RALGPS2: variants seen among roughly 807,000 people sequenced by gnomAD.
The protein encoded by RALGPS2 is ras-specific guanine nucleotide-releasing factor RalGPS2.
In RALGPS2, 43 loss-of-function variants were observed where a neutral mutation model predicts 86.8. The observed-to-expected ratio is 0.50, with a 90% confidence interval of 0.39 to 0.64. RALGPS2 has a LOEUF of 0.64. Ranked by LOEUF, RALGPS2 falls within the 30% of genes least tolerant of loss-of-function variation. The pLI is 0.00. For synonymous variants in RALGPS2, 243 were observed against 231.3 expected (o/e 1.05, Z -0.46); for missense variants, 536 against 694.6 (o/e 0.77, Z 2.57).
At chr1:178,730,390 G>A (rs963226433) in intron 1 of RALGPS2, among the ~76,000 whole-genome samples, 2 of 152,102 alleles carry the variant, frequency 1.3e-5, no homozygotes, top group African/African-American at 4.8e-5. Context: ...GATTAAATCA[G>A]CATTCGTTGT....
At chr1:178,890,109 A>G (rs1335735782) in intron 14 of RALGPS2, among the ~76,000 whole-genome samples, 1 of 151,974 alleles carries the variant, frequency 6.6e-6, no homozygotes, top group Non-Finnish European at 1.5e-5. Flanking sequence ...TAAATTTTAA[A>G]TTATACAAGT....
At chr1:178,853,478 A>C in intron 8 of RALGPS2, 1 of 916,336 alleles carries the variant, frequency 1.1e-6, no homozygotes, top group Middle Eastern at 3.1e-4. Context: ...TAATGAAAAA[A>C]CATATGGATA....
At chr1:178,731,271 G>GTTTTTTTTTTTTTTTT (rs1491268143) in intron 1 of RALGPS2, among the ~76,000 whole-genome samples, 2 of 69,378 alleles carry the variant, frequency 2.9e-5, no homozygotes, top group African/African-American at 1.0e-4. Flanking sequence ...TAGTTGTTTT[G>GTTTTTTTTTTTTTTTT]GTTTTTTTTT....
At chr1:178,760,679 T>C (rs565892622) in intron 1 of RALGPS2, among the ~76,000 whole-genome samples, 69 of 152,292 alleles carry the variant, frequency 4.5e-4, no homozygotes, top group African/African-American at 1.6e-3. Context: ...TGTGGTTCCC[T>C]TTATACATGA....
chr1:178,856,420 T>TTTTTTTTTTTTTTTTTTTG (rs1558152822), intron 8 of RALGPS2, among the ~76,000 whole-genome samples: 1 of 120,566 alleles, frequency 8.3e-6, no homozygotes, highest in African/African-American at 3.5e-5. Context: ...TTTTTTTTTT[T>TTTTTTTTTTTTTTTTTTTG]TTTTTTGAGA....
rs1242850979 is a variant in RALGPS2 at position 178,920,580 on chromosome 1, T to C, written c.*4221T>C. The C allele has an allele frequency of 2.6e-5, 4 of 151,950 alleles. No homozygotes were observed. Among genetic ancestry groups the C allele is most frequent in the Admixed American group, 6.6e-5 (1 of 15,232 alleles). 9.4% of individuals were successfully genotyped at this position (151,950 alleles called of 1,614,324 possible). A position where few individuals can be genotyped will look rare whatever the true frequency, so the allele number is the denominator to read the frequency against. ...TTTTGAGTCTTTTTAAACAAGCTCC[T>C]ACCCTGCTTCTATCCTTTTAGAGTA... On this transcript the variant is annotated 3_prime_UTR_variant, in exon 20 of 20. Coordinates refer to ENST00000367635, the MANE Select transcript of RALGPS2 (RefSeq NM_152663.5).
In RALGPS2 at chr1:178,921,279, C is replaced by CT. The variant is rs1280345280; in HGVS notation, c.*4922dup. The CT allele has an allele frequency of 6.6e-6, 1 of 151,504 alleles. No individual in the cohort carries two copies. The highest frequency in any genetic ancestry group is 1.5e-5 in the Non-Finnish European group (1 of 67,788). The allele number at this position is 151,504 out of a possible 1,614,324, so 9.4% of individuals were successfully genotyped here. On this transcript the variant is annotated 3_prime_UTR_variant, in exon 20 of 20. Transcript: ENST00000367635. ...GTTTTGGGATTGGGCTCTTTTTTTT[C>CT]TTAATAGAAAAGCAGAAACTTCATA...
chr1:178,743,064 T>A (rs1018985266), intron 1 of RALGPS2, among the ~76,000 whole-genome samples: 18 of 152,060 alleles, frequency 1.2e-4, no homozygotes, highest in Admixed American at 3.3e-4. Flanking sequence ...AACATTTTTT[T>A]AAAAAAAATT....
chr1:178,775,685 T>C (rs1398128282), intron 1 of RALGPS2, among the ~76,000 whole-genome samples: 3 of 152,158 alleles, frequency 2.0e-5, no homozygotes. Context: ...TGTTCTTGGC[T>C]CCTTATTTAC....
rs1658300590 is a variant in RALGPS2, at chr1:178,865,121, A to G, written c.608-12377A>G. ...TTGGCTGTTAGGAATATGTTGTGGCACCACCTGGACAAGTGGGGGAGACAC... is the reference window on the plus strand; with the variant it reads ...TTGGCTGTTAGGAATATGTTGTGGCGCCACCTGGACAAGTGGGGGAGACAC... On this transcript the variant is annotated intron_variant, in intron 8 of 19. Coordinates refer to ENST00000367635, the MANE Select transcript of RALGPS2 (RefSeq NM_152663.5). 3 of 1,583,340 alleles carry G rather than the reference A, an allele frequency of 1.9e-6. No homozygotes were observed. The African/African-American group carries it at 4.0e-5, about 21-fold the overall frequency.
chr1:178,817,504 A>G (rs1025625071), intron 6 of RALGPS2, among the ~76,000 whole-genome samples: 4 of 152,090 alleles, frequency 2.6e-5, no homozygotes, highest in African/African-American at 9.7e-5. Context: ...TTATTCCAAT[A>G]TCTCTTTGTC....
At chr1:178,747,695 C>T (rs1651413699) in intron 1 of RALGPS2, 1 of 1,438,474 alleles carries the variant, frequency 7.0e-7, no homozygotes, top group African/African-American at 1.4e-5. Context: ...TCAAGTACAG[C>T]AGCTGCCAGC....
Position 178,918,956 on chromosome 1 carries a change from C to G in RALGPS2, c.*2597C>G, listed in dbSNP as rs1660896998. Reference sequence around the variant, plus strand: ...TCAAAATGTTCATCAGCATTCAGGTCATTTGTTTCACCCTTAGCCAAGAAG... The same window carrying G: ...TCAAAATGTTCATCAGCATTCAGGTGATTTGTTTCACCCTTAGCCAAGAAG... On this transcript the variant is annotated 3_prime_UTR_variant, in exon 20 of 20. Coordinates refer to ENST00000367635, the MANE Select transcript of RALGPS2 (RefSeq NM_152663.5). The G allele has an allele frequency of 6.6e-6, 1 of 152,024 alleles. No individual in the cohort carries two copies. The highest frequency in any genetic ancestry group is 2.4e-5 in the African/African-American group (1 of 41,418). 9.4% of individuals were successfully genotyped at this position (152,024 alleles called of 1,614,324 possible).
intron 1 of RALGPS2, among the ~76,000 whole-genome samples, chr1:178,762,498 T>G (rs1252014630): frequency 6.6e-6 from 1 of 152,214 alleles, no homozygotes; most frequent in Non-Finnish European, 1.5e-5. Context: ...TCCAGTTCTC[T>G]GCAGCCTTGC....
At chr1:178,850,506 T>G (rs911867566) in intron 8 of RALGPS2, 7 of 132,736 alleles carry the variant, frequency 5.3e-5, no homozygotes, top group African/African-American at 1.5e-4. Context: ...TATTTTTGGG[T>G]TTTTTTTTAT....
chr1:178,864,319 A>G (rs1658236695), intron 8 of RALGPS2, among the ~76,000 whole-genome samples: 1 of 152,130 alleles, frequency 6.6e-6, no homozygotes, highest in Non-Finnish European at 1.5e-5. Context: ...CTTAGGATAC[A>G]CAGTACTAAT....
At chr1:178,897,070 T>C (rs1301027553) in intron 16 of RALGPS2, among the ~76,000 whole-genome samples, 1 of 151,886 alleles carries the variant, frequency 6.6e-6, no homozygotes, top group African/African-American at 2.4e-5. Context: ...TAGTTTACAG[T>C]CCCACCAACA....
intron 11 of RALGPS2, 143 bp downstream of exon 11, chr1:178,883,676 T>C: frequency 1.4e-6 from 1 of 714,770 alleles, no homozygotes; most frequent in Non-Finnish European, 2.2e-6. Flanking sequence ...CCTTTCTGGG[T>C]TTTTTGGTTT....
At chr1:178,892,811 T>C (rs954524751) in intron 15 of RALGPS2, among the ~76,000 whole-genome samples, 3 of 152,164 alleles carry the variant, frequency 2.0e-5, no homozygotes, top group Non-Finnish European at 4.4e-5. Flanking sequence ...ACCAGGTCTC[T>C]TTTGGACTGT....
Sources: allele counts gnomAD v4.1 joint callset (sites outside exome capture counted in the v4.1 genomes callset), GRCh38; gene constraint gnomAD v4.1.1; transcripts MANE v1.5; gene names NCBI Gene and HGNC (gene_info 2026-07-23, HGNC 2026-07-21).